ITCH: variants seen among roughly 807,000 people sequenced by gnomAD.
The protein encoded by ITCH is itchy E3 ubiquitin protein ligase.
ITCH carries 28 observed loss-of-function variants against 126.8 expected under a neutral mutation model. That is an observed-to-expected ratio of 0.22 (90% CI 0.16 to 0.30). ITCH has a LOEUF of 0.30. ITCH is among the 10% of genes least tolerant of loss of function. The pLI, the probability that ITCH is intolerant of heterozygous loss-of-function variation, is 1.00. For synonymous variants in ITCH, 342 were observed against 340.0 expected (o/e 1.01, Z -0.06); for missense variants, 631 against 1,032.4 (o/e 0.61, Z 5.33).
intron 20 of ITCH, among the ~76,000 whole-genome samples, chr20:34,483,186 T>C (rs2146481539): frequency 6.6e-6 from 1 of 152,326 alleles, no homozygotes; most frequent in Admixed American, 6.5e-5. Context: ...TGAAGACCTC[T>C]GACGTGCCCT....
At chr20:34,445,770 T>C (rs142071559) in intron 11 of ITCH, among the ~76,000 whole-genome samples, 1 of 152,264 alleles carries the variant, frequency 6.6e-6, no homozygotes, top group Non-Finnish European at 1.5e-5. Context: ...TTGAAAATAA[T>C]TAAAACATTT....
intron 11 of ITCH, 40 bp from the exon 12 acceptor site, chr20:34,449,371 T>TA: frequency 8.1e-7 from 1 of 1,237,558 alleles, no homozygotes; most frequent in Non-Finnish European, 1.2e-6. Flanking sequence ...GATAAGTTGT[T>TA]AAGTTGTTAA....
At chr20:34,403,250 T>C (rs2038947085) in intron 3 of ITCH, among the ~76,000 whole-genome samples, 1 of 152,196 alleles carries the variant, frequency 6.6e-6, no homozygotes, top group Admixed American at 6.5e-5. Flanking sequence ...ATCCATTCTT[T>C]TTTTGTATGT....
chr20:34,401,287 C>T (rs200198450), intron 3 of ITCH, among the ~76,000 whole-genome samples: 1 of 151,368 alleles, frequency 6.6e-6, no homozygotes, highest in South Asian at 2.1e-4. Flanking sequence ...TTCTTTTTTT[C>T]TTTTTTTTGA....
At chr20:34,417,696 G>C (rs1353807454) in intron 6 of ITCH, among the ~76,000 whole-genome samples, 1 of 140,230 alleles carries the variant, frequency 7.1e-6, no homozygotes, top group African/African-American at 2.6e-5. Flanking sequence ...CACTGCGCCT[G>C]GCCCAGCTTT....
chr20:34,477,303 G>A (rs1265415707), intron 16 of ITCH, among the ~76,000 whole-genome samples: 2 of 152,168 alleles, frequency 1.3e-5, no homozygotes, highest in South Asian at 2.1e-4. Flanking sequence ...GGCCAAGGCC[G>A]GTGGATCACC....
At chr20:34,461,412 C>G (rs902042659) in intron 13 of ITCH, among the ~76,000 whole-genome samples, 1 of 151,876 alleles carries the variant, frequency 6.6e-6, no homozygotes, top group African/African-American at 2.4e-5. Flanking sequence ...GGTGGCTGTT[C>G]AAAAAATGCA....
At chr20:34,470,000 C>CT (rs1222557858) in intron 14 of ITCH, 48 bp from the exon 15 acceptor site, 1 of 1,477,446 alleles carries the variant, frequency 6.8e-7, no homozygotes. Context: ...TCAGCATTAT[C>CT]TTTTACAAGC....
chr20:34,438,381 A>C lies in ITCH; in HGVS notation c.522-93A>C, dbSNP rs193220183. 1.1e-4 allele frequency: 156 copies of C among 1,358,642 alleles called. 1 individual carries two copies. In the African/African-American group the frequency reaches 1.9e-3, roughly 16 times the overall value. 84.2% of individuals were successfully genotyped at this position (1,358,642 alleles called of 1,614,324 possible). A position where few individuals can be genotyped will look rare whatever the true frequency, so the allele number is the denominator to read the frequency against. On this transcript the variant is annotated intron_variant, in intron 7 of 24. Transcript: ENST00000374864. The stretch of plus-strand genomic sequence containing the variant: ...GCTTTTTTGAAGCTCTTAAAAACTT[A>C]GAAGTTTTCATCCTCCTGCTGTTTT...
chr20:34,500,721 T>G (rs1569009101), intron 23 of ITCH, among the ~76,000 whole-genome samples: 1 of 152,232 alleles, frequency 6.6e-6, no homozygotes, highest in African/African-American at 2.4e-5. Flanking sequence ...AAAATTACTT[T>G]CTGGTTGCTT....
intron 14 of ITCH, among the ~76,000 whole-genome samples, chr20:34,463,607 G>GT (rs955876341): frequency 1.8e-4 from 26 of 144,824 alleles, no homozygotes; most frequent in Middle Eastern, 3.6e-3. Context: ...CAACTCTTCT[G>GT]TTTTTTTTTT....
intron 2 of ITCH, among the ~76,000 whole-genome samples, chr20:34,385,066 G>T (rs2038221875): frequency 6.6e-6 from 1 of 151,596 alleles, no homozygotes; most frequent in Admixed American, 6.6e-5. Context: ...TCAGGTTGGA[G>T]TGCAGTGGTG....
chr20:34,495,697 A>AT (rs1342772702), intron 23 of ITCH, among the ~76,000 whole-genome samples: 2 of 152,210 alleles, frequency 1.3e-5, no homozygotes, highest in Admixed American at 1.3e-4. Context: ...TTATGGACAC[A>AT]TAAGTTGATT....
intron 20 of ITCH, among the ~76,000 whole-genome samples, chr20:34,484,873 TG>T (rs1361684268): frequency 6.6e-6 from 1 of 152,202 alleles, no homozygotes; most frequent in Non-Finnish European, 1.5e-5. Flanking sequence ...ATCATGTCCA[TG>T]TAAATATGAC....
intron 10 of ITCH, among the ~76,000 whole-genome samples, chr20:34,443,233 C>T (rs1430739366): frequency 6.6e-6 from 1 of 151,452 alleles, no homozygotes; most frequent in Non-Finnish European, 1.5e-5. Context: ...CATTACAGTC[C>T]AGGCACGGTG....
chr20:34,424,355 T>C (rs1225816185), intron 6 of ITCH, 125 bp from the exon 7 acceptor site: 26 of 770,818 alleles, frequency 3.4e-5, no homozygotes, highest in Non-Finnish European at 4.5e-6. Context: ...GGAATTTAAG[T>C]TATAGTATGT....
At chr20:34,390,418 A>G (rs1346993969) in intron 2 of ITCH, among the ~76,000 whole-genome samples, 1 of 148,216 alleles carries the variant, frequency 6.7e-6, no homozygotes, top group Non-Finnish European at 1.5e-5. Flanking sequence ...TCTGTAATAC[A>G]TGGTATAGAA....
At chr20:34,387,247 G>A (rs2038316683) in intron 2 of ITCH, among the ~76,000 whole-genome samples, 1 of 151,726 alleles carries the variant, frequency 6.6e-6, no homozygotes. Context: ...AGGTTGCAGC[G>A]AGGGGAGATT....
intron 2 of ITCH, among the ~76,000 whole-genome samples, chr20:34,390,927 A>G (rs2038468009): frequency 6.6e-6 from 1 of 150,544 alleles, no homozygotes; most frequent in Non-Finnish European, 1.5e-5. Context: ...AATTTTTTGT[A>G]TTTTTAATAC....
Sources: gnomAD v4.1 joint callset for allele counts (sites outside exome capture counted in the v4.1 genomes callset) on GRCh38, gnomAD v4.1.1 for gene constraint, MANE v1.5 for transcripts, NCBI Gene and HGNC (gene_info 2026-07-23, HGNC 2026-07-21) for gene names.